The following NRXN2 variants were observed in gnomAD, a reference collection of about 807,000 sequenced individuals.
NRXN2 encodes the protein neurexin 2.
Under a neutral mutation model 128.8 loss-of-function variants are expected in NRXN2, and 29 were observed. That is an observed-to-expected ratio of 0.23 (90% CI 0.17 to 0.31). NRXN2 has a LOEUF of 0.31. Among genes scored for constraint, NRXN2 ranks in the 10% least tolerant of loss-of-function variants. NRXN2 has a pLI of 1.00. For missense variants in NRXN2, 1,881 were observed against 2,452.6 expected (o/e 0.77, Z 4.92); for synonymous variants, 1,098 against 1,075.2 (o/e 1.02, Z -0.41).
At chr11:64,659,671 T>C (rs1361071739) in intron 11 of NRXN2, 2 of 153,740 alleles carry the variant, frequency 1.3e-5, no homozygotes, top group Admixed American at 1.3e-4. Context: ...TACATGAATT[T>C]CATAATCTAT....
At chr11:64,643,706 G>C (rs1204159271) in intron 17 of NRXN2, among the ~76,000 whole-genome samples, 2 of 151,736 alleles carry the variant, frequency 1.3e-5, no homozygotes, top group African/African-American at 4.8e-5. Flanking sequence ...TCAGCCGCGC[G>C]GCACCTGGCT....
At chr11:64,696,948 T>A (rs1050167956) in intron 3 of NRXN2, among the ~76,000 whole-genome samples, 3 of 151,972 alleles carry the variant, frequency 2.0e-5, no homozygotes, top group Non-Finnish European at 4.4e-5. Flanking sequence ...AAGAGAAAGA[T>A]TCAGAGAATG....
chr11:64,702,101 C>T (rs1262456351), intron 2 of NRXN2, among the ~76,000 whole-genome samples: 6 of 144,298 alleles, frequency 4.2e-5, no homozygotes, highest in East Asian at 2.2e-4. Flanking sequence ...CCCCTCTGCC[C>T]GGCCAGCCGC....
chr11:64,642,627 G>A (rs1360992260), intron 17 of NRXN2: 2 of 1,609,334 alleles, frequency 1.2e-6, no homozygotes, highest in African/African-American at 1.3e-5. Context: ...CGTGGTGGGT[G>A]GTGCTGAGGC....
rs141426534 is a variant in NRXN2, at chr11:64,635,426, C to T, written c.3430G>A (p.Gly1144Arg). 3.7e-6 allele frequency: 6 copies of T among 1,613,826 alleles called. No individual in the cohort carries two copies. Among genetic ancestry groups the T allele is most frequent in the East Asian group, 4.5e-5 (2 of 44,866 alleles). ...DPGTTYIFGK[G>R]GALITYTWPP... Reference sequence around the variant, plus strand: ...CACGTGTAGGTGATGAGCGCTCCCCCCTTCCCAAAGATGTATGTGGTCCCG... The same window carrying T: ...CACGTGTAGGTGATGAGCGCTCCCCTCTTCCCAAAGATGTATGTGGTCCCG... Residue 1144 changes from glycine (G) to arginine (R), a missense_variant, in exon 18 of 23, where the codon GGG becomes AGG. Physicochemically the swap from Gly to Arg is moderately radical, Grantham distance 125. Coordinates refer to ENST00000265459, the MANE Select transcript of NRXN2 (RefSeq NM_015080.4). This position sits in a 1 kb window ranked among gnomAD's most constrained non-coding sequence, Gnocchi z 4.8.
At chr11:64,663,029 C>G (rs931289698) in intron 9 of NRXN2, among the ~76,000 whole-genome samples, 2 of 152,106 alleles carry the variant, frequency 1.3e-5, no homozygotes, top group African/African-American at 4.8e-5. Context: ...CTGGGACCTC[C>G]TCTACAGACA....
rs543958314 is a variant in NRXN2 at position 64,609,048 on chromosome 11, T to A, written c.4253-966A>T. Among the ~76,000 whole-genome samples the A allele has an allele frequency of 1.2e-4, 18 of 150,310 alleles. 2 individuals carry two copies. Among genetic ancestry groups the A allele is most frequent in the Admixed American group, 9.2e-4 (14 of 15,158 alleles). ...AGGTGAGGTGGCCCATGAGGAAGAG[T>A]GGGCAGGGAGGAGTTGGATACCACT... On this transcript the variant is annotated intron_variant, in intron 22 of 22. Transcript: ENST00000265459.
At chr11:64,663,331 C>T (rs1382520207) in intron 9 of NRXN2, among the ~76,000 whole-genome samples, 1 of 151,378 alleles carries the variant, frequency 6.6e-6, no homozygotes, top group Non-Finnish European at 1.5e-5. Flanking sequence ...CATGCCACTA[C>T]ACTCCAGCCT....
intron 2 of NRXN2, among the ~76,000 whole-genome samples, chr11:64,702,989 A>G (rs1039238130): frequency 5.3e-5 from 8 of 150,366 alleles, no homozygotes; most frequent in Non-Finnish European, 8.9e-5. Flanking sequence ...AAAAAAAAAA[A>G]AAAAAGAAAG....
intron 12 of NRXN2, 39 bp downstream of exon 12, chr11:64,653,657 C>A (rs747032436): frequency 1.3e-6 from 2 of 1,579,206 alleles, no homozygotes; most frequent in East Asian, 4.5e-5. Context: ...GCATCCCAGT[C>A]CCCTTGGGTC....
intron 17 of NRXN2, among the ~76,000 whole-genome samples, chr11:64,646,832 G>A (rs1234886755): frequency 2.0e-5 from 3 of 152,144 alleles, no homozygotes; most frequent in African/African-American, 7.2e-5. Flanking sequence ...ACCCTCAGCT[G>A]GCCATTGTCT....
intron 1 of NRXN2, among the ~76,000 whole-genome samples, chr11:64,722,119 G>A (rs1389444794): frequency 6.6e-6 from 1 of 152,074 alleles, no homozygotes; most frequent in African/African-American, 2.4e-5. Flanking sequence ...GGGGGAGGAG[G>A]CTGGGACATG....
intron 6 of NRXN2, among the ~76,000 whole-genome samples, chr11:64,684,345 C>T (rs1221562465): frequency 6.6e-6 from 1 of 152,088 alleles, no homozygotes; most frequent in Non-Finnish European, 1.5e-5. Context: ...CGGGACAGCC[C>T]TCTGATTGGG....
chr11:64,702,796 A>AT (rs2055671490), intron 2 of NRXN2, among the ~76,000 whole-genome samples: 1 of 148,940 alleles, frequency 6.7e-6, no homozygotes, highest in African/African-American at 2.5e-5. Context: ...AGAATGATCA[A>AT]TAAAAAAAAA....
chr11:64,713,231 G>C lies in NRXN2; in HGVS notation c.469C>G (p.Pro157Ala), dbSNP rs1248456352. ...ASDLFVGGIP[P>A]DVRLSALTLS... is the part of the protein sequence containing the mutation. ...GTAAGCGCCGAGAGGCGCACGTCGGGCGGGATGCCGCCCACGAACAGGTCG... is the reference window on the plus strand; with the variant it reads ...GTAAGCGCCGAGAGGCGCACGTCGGCCGGGATGCCGCCCACGAACAGGTCG... The change falls in exon 2 of 23, where the codon CCC (proline) becomes GCC (alanine). Residue 157 changes from proline (P) to alanine (A), a missense_variant. Pro to Ala is a conservative substitution (Grantham distance 27). This residue lies in a region of NRXN2 where 997 missense variants were observed against 1,240.8 expected (regional missense o/e 0.80). Coordinates refer to ENST00000265459, the MANE Select transcript of NRXN2 (RefSeq NM_015080.4). The C allele has an allele frequency of 2.0e-6, 3 of 1,463,748 alleles. No homozygotes were observed. The highest frequency in any genetic ancestry group is 2.7e-6 in the Non-Finnish European group (3 of 1,111,550). The allele number at this position is 1,463,748 out of a possible 1,614,324, so 90.7% of individuals were successfully genotyped here.
rs953861221 is a variant in NRXN2 at position 64,670,943 on chromosome 11, T to C, written c.1198-2339A>G. Reference sequence around the variant, plus strand: ...CCTCAGAAGCCAGGGCACCAGCCACTGGCCATCTCCCTCACCCTATGGGCT... The same window carrying C: ...CCTCAGAAGCCAGGGCACCAGCCACCGGCCATCTCCCTCACCCTATGGGCT... On this transcript the variant is annotated intron_variant, in intron 7 of 22. Transcript: ENST00000265459. 4.6e-5 allele frequency among the ~76,000 whole-genome samples: 7 copies of C among 152,206 alleles called. No homozygotes were observed. The East Asian group carries it at 7.7e-4, about 17-fold the overall frequency.
intron 2 of NRXN2, 134 bp from the exon 3 acceptor site, chr11:64,697,926 C>T (rs1195572028): frequency 3.0e-6 from 3 of 1,006,798 alleles, no homozygotes; most frequent in Admixed American, 2.0e-5. Context: ...ACATGAGTCA[C>T]CCAATGTGGA....
At chr11:64,688,239 G>T in intron 5 of NRXN2, 2 of 964,936 alleles carry the variant, frequency 2.1e-6, no homozygotes, top group Non-Finnish European at 2.5e-6. Flanking sequence ...TGGGGTGGGT[G>T]GCAAAGCTAG....
chr11:64,672,248 CTCTT>C (rs2050732960), intron 7 of NRXN2, among the ~76,000 whole-genome samples: 2 of 152,204 alleles, frequency 1.3e-5, no homozygotes, highest in African/African-American at 4.8e-5. Flanking sequence ...GACCCCACCT[CTCTT>C]TCTGCTCCAT....
Sources: allele counts gnomAD v4.1 joint callset (sites outside exome capture counted in the v4.1 genomes callset), GRCh38; gene constraint gnomAD v4.1.1; regional missense constraint gnomAD v4.1.1; non-coding constraint Gnocchi (gnomAD v3.1); transcripts MANE v1.5; gene names NCBI Gene and HGNC (gene_info 2026-07-23, HGNC 2026-07-21).